The following MCOLN2 variants were observed in gnomAD, a reference collection of about 807,000 sequenced individuals.
MCOLN2 encodes mucolipin-2.
MCOLN2 carries 57 observed loss-of-function variants against 67.5 expected under a neutral mutation model. That is an observed-to-expected ratio of 0.84 (90% CI 0.68 to 1.05). The LOEUF (loss-of-function observed/expected upper bound fraction) is 1.05. MCOLN2 is among the 50% of genes least tolerant of loss of function. The pLI, the probability that MCOLN2 is intolerant of heterozygous loss-of-function variation, is 0.00. For missense variants in MCOLN2, 620 were observed against 678.8 expected (o/e 0.91, Z 0.96); for synonymous variants, 246 against 233.3 (o/e 1.05, Z -0.50).
intron 1 of MCOLN2, among the ~76,000 whole-genome samples, chr1:84,995,805 T>TAA (rs35541746): frequency 1.5e-3 from 187 of 126,128 alleles, no homozygotes; most frequent in African/African-American, 3.0e-3. Flanking sequence ...CTCTATTTTT[T>TAA]TAAAAAAAAA....
At chr1:84,937,726 C>A in intron 11 of MCOLN2, 29 bp downstream of exon 11, 1 of 1,612,518 alleles carries the variant, frequency 6.2e-7, no homozygotes, top group Admixed American at 1.7e-5. Flanking sequence ...CGTGCCCCAT[C>A]TGCAGAAGGA....
At chr1:84,937,456 A>T in intron 11 of MCOLN2, 1 of 358,500 alleles carries the variant, frequency 2.8e-6, no homozygotes, top group Non-Finnish European at 4.4e-6. Context: ...TAATATAGTG[A>T]TCTCACGTCC....
intron 1 of MCOLN2, chr1:84,972,104 AC>A (rs1380255885): frequency 6.6e-6 from 1 of 152,206 alleles, no homozygotes; most frequent in Admixed American, 6.5e-5. Flanking sequence ...CGGCAGAAAT[AC>A]TGCAACTTCC....
chr1:84,955,543 G>A lies in MCOLN2; in HGVS notation c.565+888C>T, dbSNP rs376603390. Among the ~76,000 whole-genome samples the A allele has an allele frequency of 3.6e-4, 55 of 152,280 alleles. 3 individuals carry two copies. In the East Asian group the frequency reaches 6.4e-3, roughly 18 times the overall value. ...GACAGGGGTCTGGAGAGGCAGGCAG[G>A]GGGCTAGTTTCTATAAGGACTTGTG... On this transcript the variant is annotated intron_variant, in intron 4 of 13. Transcript: ENST00000370608.
chr1:84,992,477 A>AG (rs1158068551), intron 1 of MCOLN2, among the ~76,000 whole-genome samples: 3 of 152,252 alleles, frequency 2.0e-5, no homozygotes, highest in Non-Finnish European at 4.4e-5. Flanking sequence ...GGAAGAAAAA[A>AG]AAATTCAGAT....
chr1:84,935,535 C>A (rs1294607181), intron 11 of MCOLN2, among the ~76,000 whole-genome samples: 1 of 152,052 alleles, frequency 6.6e-6, no homozygotes, highest in African/African-American at 2.4e-5. Flanking sequence ...GATAAAATAT[C>A]CACCAGATCA....
At chr1:84,934,327 GT>G (rs923339399) in intron 11 of MCOLN2, among the ~76,000 whole-genome samples, 12 of 37,430 alleles carry the variant, frequency 3.2e-4, no homozygotes, top group African/African-American at 7.6e-4. Flanking sequence ...TCCATAAAGA[GT>G]CCCCATAGGT....
chr1:84,983,769 C>T (rs578115261), intron 1 of MCOLN2, among the ~76,000 whole-genome samples: 14 of 151,376 alleles, frequency 9.2e-5, no homozygotes, highest in Admixed American at 3.3e-4. Flanking sequence ...CTCCGCCTCC[C>T]GGGTTCAAGC....
chr1:84,992,014 A>G (rs1279761867), intron 1 of MCOLN2, among the ~76,000 whole-genome samples: 1 of 152,236 alleles, frequency 6.6e-6, no homozygotes, highest in Non-Finnish European at 1.5e-5. Context: ...AGGAAAAGAA[A>G]TTATAAAGAA....
At chr1:84,980,872 C>T (rs892460354) in intron 1 of MCOLN2, among the ~76,000 whole-genome samples, 1 of 152,108 alleles carries the variant, frequency 6.6e-6, no homozygotes, top group African/African-American at 2.4e-5. Context: ...GAAAAGACAA[C>T]CCATAGAAAG....
At chr1:84,936,034 C>A (rs145622357) in intron 11 of MCOLN2, among the ~76,000 whole-genome samples, 2 of 152,084 alleles carry the variant, frequency 1.3e-5, no homozygotes, top group Non-Finnish European at 2.9e-5. Flanking sequence ...GGAGTCAGGC[C>A]GACCTGGGTT....
At chr1:84,934,092 A>G (rs564828651) in intron 11 of MCOLN2, among the ~76,000 whole-genome samples, 8 of 152,238 alleles carry the variant, frequency 5.3e-5, no homozygotes, top group Admixed American at 3.3e-4. Flanking sequence ...ATTCCTTTGG[A>G]TCTTGAGTGA....
At chr1:84,974,161 A>G (rs908672342) in intron 1 of MCOLN2, among the ~76,000 whole-genome samples, 42 of 152,138 alleles carry the variant, frequency 2.8e-4, no homozygotes, top group African/African-American at 7.7e-4. Context: ...CACAAACTTC[A>G]CCACTGCAGG....
At chr1:84,955,127 T>C (rs964646138) in intron 4 of MCOLN2, among the ~76,000 whole-genome samples, 1 of 152,168 alleles carries the variant, frequency 6.6e-6, no homozygotes, top group Non-Finnish European at 1.5e-5. Context: ...GAGGCTTTTC[T>C]CACTTTGCTC....
intron 6 of MCOLN2, among the ~76,000 whole-genome samples, chr1:84,949,423 G>A (rs1648292599): frequency 6.6e-6 from 1 of 152,186 alleles, no homozygotes; most frequent in Non-Finnish European, 1.5e-5. Flanking sequence ...CAGATCACGA[G>A]GTCAGGAGAT....
At chr1:84,945,684 C>T (rs1648054443) in intron 7 of MCOLN2, among the ~76,000 whole-genome samples, 1 of 152,186 alleles carries the variant, frequency 6.6e-6, no homozygotes, top group Admixed American at 6.5e-5. Flanking sequence ...TAATTCTTTA[C>T]TGAGCAAACA....
chr1:84,937,482 G>C, intron 11 of MCOLN2: 3 of 554,064 alleles, frequency 5.4e-6, no homozygotes, highest in Non-Finnish European at 7.7e-6. Flanking sequence ...TTTCCCATTT[G>C]ATGATCACCG....
At chr1:84,936,576 C>A (rs1411634660) in intron 11 of MCOLN2, among the ~76,000 whole-genome samples, 2 of 152,116 alleles carry the variant, frequency 1.3e-5, no homozygotes, top group African/African-American at 4.8e-5. Flanking sequence ...GTATGAAGAG[C>A]AATATTATCA....
chr1:84,990,832 G>T (rs376085760), intron 1 of MCOLN2, among the ~76,000 whole-genome samples: 2 of 151,330 alleles, frequency 1.3e-5, no homozygotes, highest in East Asian at 1.9e-4. Context: ...TACTTGGGGG[G>T]GCTGAGGCAG....
Sources: allele counts gnomAD v4.1 joint callset (sites outside exome capture counted in the v4.1 genomes callset), GRCh38; gene constraint gnomAD v4.1.1; transcripts MANE v1.5; gene names NCBI Gene and HGNC (gene_info 2026-07-23, HGNC 2026-07-21).